UGT2B17: variants seen among roughly 807,000 people sequenced by gnomAD.
The protein encoded by UGT2B17 is UDP glucuronosyltransferase family 2 member B17.
UGT2B17 carries 21 observed loss-of-function variants against 48.2 expected under a neutral mutation model. The ratio of observed to expected loss-of-function variants is 0.44; its 90% CI spans 0.31 to 0.63. The LOEUF is 0.63. UGT2B17 is among the 20% of genes least tolerant of loss of function. The pLI, the probability that UGT2B17 is intolerant of heterozygous loss-of-function variation, is 0.08. For missense variants in UGT2B17, 402 were observed against 696.1 expected, an observed-to-expected ratio of 0.58 and a Z score of 4.75; for synonymous variants, 146 against 238.4, an observed-to-expected ratio of 0.61 and a Z score of 3.57.
intron 6 of UGT2B17, among the ~76,000 whole-genome samples, chr4:68,541,003 C>T (rs898986881): frequency 7.2e-5 from 9 of 125,480 alleles, no homozygotes; most frequent in African/African-American, 2.2e-4. Flanking sequence ...CATAGTATGC[C>T]GCCATACTGT....
At chr4:68,551,066 C>T (rs1730905827) in intron 5 of UGT2B17, among the ~76,000 whole-genome samples, 170 bp from the exon 6 acceptor site, 1 of 125,564 alleles carries the variant, frequency 8.0e-6, no homozygotes, top group African/African-American at 2.7e-5. Context: ...CCTACTTCTG[C>T]TGGAAAGGTA....
chr4:68,556,121 T>C (rs1175050443), intron 4 of UGT2B17, among the ~76,000 whole-genome samples: 1 of 123,846 alleles, frequency 8.1e-6, no homozygotes, highest in Non-Finnish European at 1.7e-5. Flanking sequence ...AACTTTTATA[T>C]GATCAAGTTG....
rs371644681 is a variant in UGT2B17 at position 68,550,730 on chromosome 4, G to T, written c.1260C>A (p.Thr420=). 264 of 1,382,680 alleles carry T rather than the reference G, an allele frequency of 1.9e-4. 99 individuals are homozygous for T. In the South Asian group the frequency reaches 4.2e-3, roughly 22 times the overall value. The allele number at this position is 1,382,680 out of a possible 1,614,324, so 85.7% of individuals were successfully genotyped here. The part of the protein sequence containing the change: ...KGAALSVDIR[T]MSSRDLLNAL... ...CATTGAGCAAATCTCTACTTGACAT[G>T]GTCCTGATGTCCACACTGAGGGCTG... Residue 420 remains threonine (T), a synonymous_variant, in exon 6 of 7, where the codon ACC becomes ACA. Transcript: ENST00000317746.
chr4:68,539,372 T>TAG (rs1416643468), intron 6 of UGT2B17, among the ~76,000 whole-genome samples: 1 of 125,890 alleles, frequency 7.9e-6, no homozygotes, highest in African/African-American at 2.7e-5. Context: ...TGCACTGGTG[T>TAG]AGAGTATTCA....
chr4:68,537,509 G>A lies in UGT2B17; in HGVS notation c.*116C>T, dbSNP rs1363694908. The A allele has an allele frequency of 1.0e-5, 10 of 955,420 alleles. 1 individual carries two copies. Among genetic ancestry groups the A allele is most frequent in the Admixed American group, 3.3e-5 (1 of 30,510 alleles). 59.2% of individuals were successfully genotyped at this position (955,420 alleles called of 1,614,324 possible). A position where few individuals can be genotyped will look rare whatever the true frequency, so the allele number is the denominator to read the frequency against. ...AATAAATTTTGACTTAACAGGGTAA[G>A]TTGTGAAAAGACGTTTTGTCGCAGG... On this transcript the variant is annotated 3_prime_UTR_variant, in exon 7 of 7. Coordinates refer to ENST00000317746, the MANE Select transcript of UGT2B17 (RefSeq NM_001077.4).
rs187504327 is a variant in UGT2B17, at chr4:68,556,002, C to T, written c.1006-4091G>A. Among the ~76,000 whole-genome samples, 2 of 107,068 alleles carry T rather than the reference C, an allele frequency of 1.9e-5. 1 individual carries two copies. Among genetic ancestry groups the T allele is most frequent in the Non-Finnish European group, 3.8e-5 (2 of 53,216 alleles). The allele number at this position is 107,068 out of a possible 152,430, so 70.2% of individuals were successfully genotyped here. On this transcript the variant is annotated intron_variant, in intron 4 of 6. Coordinates refer to ENST00000317746, the MANE Select transcript of UGT2B17 (RefSeq NM_001077.4). ...AAGAATCTTGTGTGGTAAATTTAGT[C>T]CTAGAATAAAATGATCAGTTGTGTA...
rs1731174572 is a variant in UGT2B17 at position 68,565,161 on chromosome 4, T to C, written c.873+411A>G. 1.6e-5 allele frequency among the ~76,000 whole-genome samples: 2 copies of C among 126,642 alleles called. 1 individual carries two copies. Among genetic ancestry groups the C allele is most frequent in the Non-Finnish European group, 3.3e-5 (2 of 59,730 alleles). 83.1% of individuals were successfully genotyped at this position (126,642 alleles called of 152,430 possible). On this transcript the variant is annotated intron_variant, in intron 3 of 6. Coordinates refer to ENST00000317746, the MANE Select transcript of UGT2B17 (RefSeq NM_001077.4). ...TTCCTTATAACACTTTTTAGACTTT[T>C]CTTTTTCACTTGTTTTTATTCTATC...
In UGT2B17 at chr4:68,554,636, C is replaced by T. The variant is rs1413156017; in HGVS notation, c.1006-2725G>A. Among the ~76,000 whole-genome samples the T allele has an allele frequency of 2.4e-5, 3 of 124,712 alleles. 1 individual carries two copies. Among genetic ancestry groups the T allele is most frequent in the Non-Finnish European group, 3.4e-5 (2 of 58,990 alleles). The allele number at this position is 124,712 out of a possible 152,430, so 81.8% of individuals were successfully genotyped here. ...TATATTTAAAAGGCCATTATAATTT[C>T]TATAATTTTATGTTTAATTGGCAAT... is the stretch of plus-strand genomic sequence containing the variant. On this transcript the variant is annotated intron_variant, in intron 4 of 6. Coordinates refer to ENST00000317746, the MANE Select transcript of UGT2B17 (RefSeq NM_001077.4).
chr4:68,554,631 A>G lies in UGT2B17; in HGVS notation c.1006-2720T>C, dbSNP rs1730970884. On this transcript the variant is annotated intron_variant, in intron 4 of 6. Coordinates refer to ENST00000317746, the MANE Select transcript of UGT2B17 (RefSeq NM_001077.4). ...TTGCATATATTTAAAAGGCCATTAT[A>G]ATTTCTATAATTTTATGTTTAATTG... Among the ~76,000 whole-genome samples, 2 of 124,910 alleles carry G rather than the reference A, an allele frequency of 1.6e-5. 1 individual carries two copies. Among genetic ancestry groups the G allele is most frequent in the Non-Finnish European group, 3.4e-5 (2 of 59,134 alleles). The allele number at this position is 124,910 out of a possible 152,430, so 81.9% of individuals were successfully genotyped here. A position where few individuals can be genotyped will look rare whatever the true frequency, so the allele number is the denominator to read the frequency against.
chr4:68,541,091 A>G (rs1730647069), intron 6 of UGT2B17, among the ~76,000 whole-genome samples: 1 of 126,172 alleles, frequency 7.9e-6, no homozygotes, highest in South Asian at 3.7e-4. Context: ...TATTGTAGAT[A>G]GTGCTGCAAT....
chr4:68,547,243 C>G (rs1295042235), intron 6 of UGT2B17, among the ~76,000 whole-genome samples: 3 of 123,988 alleles, frequency 2.4e-5, no homozygotes, highest in African/African-American at 8.2e-5. Context: ...ACCAATGGAA[C>G]AGAACAGAGC....
At position 68,566,112 on chromosome 4, in the gene UGT2B17, A is replaced by T. The variant is rs1222296143; in HGVS notation, c.725-392T>A. On this transcript the variant is annotated intron_variant, in intron 2 of 6. Transcript: ENST00000317746. ...AGTTAATAAAATTAAACAATATTTA[A>T]TATTTAATTTAATATTTAATATTTA... Among the ~76,000 whole-genome samples, 7 of 118,790 alleles carry T rather than the reference A, an allele frequency of 5.9e-5. 1 individual carries two copies. Among genetic ancestry groups the T allele is most frequent in the African/African-American group, 1.7e-4 (6 of 35,426 alleles). 77.9% of individuals were successfully genotyped at this position (118,790 alleles called of 152,430 possible).
chr4:68,555,547 G>T (rs1326696594), intron 4 of UGT2B17, among the ~76,000 whole-genome samples: 2 of 125,992 alleles, frequency 1.6e-5, no homozygotes, highest in Non-Finnish European at 3.4e-5. Context: ...ATGGAGTTAG[G>T]TCAGATCTTT....
Position 68,565,672 on chromosome 4 carries a change from A to G in UGT2B17, c.773T>C (p.Leu258Pro), listed in dbSNP as rs753978859. 313 of 1,367,114 alleles carry G rather than the reference A, an allele frequency of 2.3e-4. 76 individuals carry two copies. Among genetic ancestry groups the G allele is most frequent in the Non-Finnish European group, 2.8e-4 (289 of 1,048,640 alleles). 84.7% of individuals were successfully genotyped at this position (1,367,114 alleles called of 1,614,324 possible). Residue 258 changes from leucine (L) to proline (P), a missense_variant, in exon 3 of 7, where the codon CTC (leucine) becomes CCC (proline). By Grantham distance (98) the Leu-to-Pro change is moderately conservative. Transcript: ENST00000317746. ...FETMGKAEMW[L>P]IRTYWDFEFP... ...TTCAAAATCCCAATAGGTTCGAATG[A>G]GCCACATTTCAGCTTTCCCCATTGT...
At chr4:68,540,306 C>T (rs960529936) in intron 6 of UGT2B17, among the ~76,000 whole-genome samples, 3 of 126,404 alleles carry the variant, frequency 2.4e-5, no homozygotes, top group African/African-American at 8.1e-5. Context: ...AAATTTAATG[C>T]GAGTACTGGT....
At position 68,562,845 on chromosome 4, in the gene UGT2B17, CA is replaced by C. The variant is rs1293892323; in HGVS notation, c.874-2178del. ...TCATTGTATATGCCTTTTTATCCTA[CA>C]AAAAAATTGTGATCTTGTTCTACTC... is the stretch of plus-strand genomic sequence containing the variant. On this transcript the variant is annotated intron_variant, in intron 3 of 6. Transcript: ENST00000317746. Among the ~76,000 whole-genome samples, 3 of 125,838 alleles carry C rather than the reference CA, an allele frequency of 2.4e-5. 1 individual carries two copies. The highest frequency in any genetic ancestry group is 5.4e-5 in the African/African-American group (2 of 36,908). 82.6% of individuals were successfully genotyped at this position (125,838 alleles called of 152,430 possible). A position where few individuals can be genotyped will look rare whatever the true frequency, so the allele number is the denominator to read the frequency against.
chr4:68,546,991 G>A (rs1201477397), intron 6 of UGT2B17, among the ~76,000 whole-genome samples: 2 of 124,766 alleles, frequency 1.6e-5, no homozygotes, highest in Non-Finnish European at 3.4e-5. Context: ...CGTGAAAACG[G>A]CCATACTGCC....
chr4:68,550,723 T>C lies in UGT2B17; in HGVS notation c.1267A>G (p.Ser423Gly). Residue 423 changes from serine to glycine, a missense_variant, in exon 6 of 7, where the codon AGT (serine) becomes GGT (glycine). By Grantham distance (56) the Ser-to-Gly change is moderately conservative. Transcript: ENST00000317746. Reference sequence around the variant, plus strand: ...TTCAATGCATTGAGCAAATCTCTACTTGACATGGTCCTGATGTCCACACTG... The same window carrying C: ...TTCAATGCATTGAGCAAATCTCTACCTGACATGGTCCTGATGTCCACACTG... The part of the protein sequence containing the change: ...ALSVDIRTMS[S>G]RDLLNALKSV... 1 of 1,382,162 alleles carries C rather than the reference T, an allele frequency of 7.2e-7. No homozygotes were observed. Among genetic ancestry groups the C allele is most frequent in the Non-Finnish European group, 9.5e-7 (1 of 1,057,986 alleles). The allele number at this position is 1,382,162 out of a possible 1,614,324, so 85.6% of individuals were successfully genotyped here. A position where few individuals can be genotyped will look rare whatever the true frequency, so the allele number is the denominator to read the frequency against.
Position 68,556,448 on chromosome 4 carries a change from C to T in UGT2B17, c.1005+4089G>A, listed in dbSNP as rs1343316520. Among the ~76,000 whole-genome samples the T allele has an allele frequency of 1.6e-5, 2 of 124,558 alleles. 1 individual carries two copies. The allele number at this position is 124,558 out of a possible 152,430, so 81.7% of individuals were successfully genotyped here. A position where few individuals can be genotyped will look rare whatever the true frequency, so the allele number is the denominator to read the frequency against. ...CTAACAGTGTTTTCTAAAAGCTATT[C>T]AACTCCTCAAGGTCCAGGGACTATC... On this transcript the variant is annotated intron_variant, in intron 4 of 6. Coordinates refer to ENST00000317746, the MANE Select transcript of UGT2B17 (RefSeq NM_001077.4).
Sources: allele counts gnomAD v4.1 joint callset (sites outside exome capture counted in the v4.1 genomes callset), GRCh38; gene constraint gnomAD v4.1.1; transcripts MANE v1.5; gene names NCBI Gene and HGNC (gene_info 2026-07-23, HGNC 2026-07-21).